Variants in GABRB1 observed in about 807,000 individuals in gnomAD.
The protein encoded by GABRB1 is gamma-aminobutyric acid receptor subunit beta-1.
A neutral mutation model predicts 51.6 loss-of-function variants in GABRB1; 17 were observed. The observed-to-expected ratio is 0.33, with a 90% CI of 0.23 to 0.49. The LOEUF is 0.49. Among genes scored for constraint, GABRB1 ranks in the 20% least tolerant of loss-of-function variants. GABRB1 has a pLI of 0.99. For missense variants in GABRB1, 410 were observed against 600.6 expected (o/e 0.68, Z 3.32); for synonymous variants, 247 against 218.9 (o/e 1.13, Z -1.14).
At chr4:47,027,193 T>C (rs1410328585), upstream of GABRB1, among the ~76,000 whole-genome samples, 1 of 151,758 alleles carries the variant, frequency 6.6e-6, no homozygotes, top group Admixed American at 6.6e-5. Context: ...ATCATATTTA[T>C]TTGGCTAGAA....
At chr4:47,071,888 A>T (rs1321273577) in intron 3 of GABRB1, among the ~76,000 whole-genome samples, 1 of 152,096 alleles carries the variant, frequency 6.6e-6, no homozygotes, top group Admixed American at 6.6e-5. Flanking sequence ...CATAGAAAGC[A>T]TGTTCTATTT....
chr4:47,026,889 A>T (rs1725112148), upstream of GABRB1, among the ~76,000 whole-genome samples: 1 of 151,996 alleles, frequency 6.6e-6, no homozygotes, highest in Non-Finnish European at 1.5e-5. Context: ...AAGAATGTAA[A>T]CTGTCATTAG....
chr4:47,024,807 T>C (rs998700059), intron 1 of GABRB1, among the ~76,000 whole-genome samples: 3 of 151,428 alleles, frequency 2.0e-5, no homozygotes, highest in Admixed American at 6.6e-5. Context: ...CACTTATGAG[T>C]GAAAACATAT....
Position 47,261,466 on chromosome 4 carries a change from C to T in GABRB1, c.462-58661C>T, listed in dbSNP as rs1336489294. ...AATTGCTTCAAAGAGAATAAAATAC[C>T]TAGGAATCCAACTTACAAGGGACAG... On this transcript the variant is annotated intron_variant, in intron 4 of 8. Transcript: ENST00000295454. Among the ~76,000 whole-genome samples the T allele has an allele frequency of 4.6e-5, 7 of 152,072 alleles. No individual in the cohort carries two copies. In the East Asian group the frequency reaches 1.3e-3, roughly 29 times the overall value.
At chr4:47,251,960 G>A (rs74686162) in intron 4 of GABRB1, among the ~76,000 whole-genome samples, 126 of 152,268 alleles carry the variant, frequency 8.3e-4, no homozygotes, top group African/African-American at 3.0e-3. Flanking sequence ...CCCTGCCTGT[G>A]GAGTCTGCAT....
chr4:47,149,419 C>A (rs1717327884), intron 3 of GABRB1, among the ~76,000 whole-genome samples: 1 of 151,862 alleles, frequency 6.6e-6, no homozygotes, highest in Non-Finnish European at 1.5e-5. Context: ...ATATAGTGTT[C>A]CTGCTGATCA....
intron 3 of GABRB1, among the ~76,000 whole-genome samples, chr4:47,054,333 G>A (rs1474601297): frequency 1.3e-5 from 2 of 152,080 alleles, no homozygotes; most frequent in Non-Finnish European, 1.5e-5. Context: ...TCTGAAGGTC[G>A]GCTTCTGTTT....
intron 4 of GABRB1, among the ~76,000 whole-genome samples, chr4:47,299,186 C>T (rs986338619): frequency 1.6e-4 from 25 of 152,274 alleles, no homozygotes; most frequent in Admixed American, 2.6e-4. Context: ...TGGGCAAGGA[C>T]TTCATGTCTA....
chr4:47,124,297 C>G (rs533001211), intron 3 of GABRB1, among the ~76,000 whole-genome samples: 1 of 152,026 alleles, frequency 6.6e-6, no homozygotes, highest in Non-Finnish European at 1.5e-5. Flanking sequence ...GCAACAACTG[C>G]GTGACCTGAT....
At chr4:47,292,544 C>T (rs996269968) in intron 4 of GABRB1, among the ~76,000 whole-genome samples, 15 of 152,302 alleles carry the variant, frequency 9.8e-5, no homozygotes, top group Admixed American at 7.2e-4. Context: ...GAGTTTTAAA[C>T]AGTACATCCC....
At chr4:47,083,102 A>G (rs774217908) in intron 3 of GABRB1, among the ~76,000 whole-genome samples, 23 of 152,156 alleles carry the variant, frequency 1.5e-4, no homozygotes, top group Non-Finnish European at 3.1e-4. Flanking sequence ...AGGATAGATT[A>G]CTGTACTCTA....
At chr4:47,223,135 GT>G (rs1333115166) in intron 4 of GABRB1, among the ~76,000 whole-genome samples, 2 of 152,030 alleles carry the variant, frequency 1.3e-5, no homozygotes, top group Admixed American at 6.6e-5. Flanking sequence ...TATCTTGAAT[GT>G]TTTTTCTTCT....
intron 5 of GABRB1, among the ~76,000 whole-genome samples, chr4:47,356,432 GA>G (rs1213282813): frequency 6.6e-6 from 1 of 152,152 alleles, no homozygotes; most frequent in Non-Finnish European, 1.5e-5. Flanking sequence ...AACACTTCCA[GA>G]GAGCAAATTT....
chr4:47,244,842 G>A (rs1721679206), intron 4 of GABRB1, among the ~76,000 whole-genome samples: 1 of 152,184 alleles, frequency 6.6e-6, no homozygotes, highest in African/African-American at 2.4e-5. Flanking sequence ...CACATTTAAA[G>A]CAGTGTGTAC....
chr4:47,220,124 A>G (rs1223489477), intron 4 of GABRB1, among the ~76,000 whole-genome samples: 1 of 151,966 alleles, frequency 6.6e-6, no homozygotes, highest in African/African-American at 2.4e-5. Context: ...AGAAACTTCA[A>G]CTGGTTACCT....
At chr4:47,317,740 G>A (rs937627653) in intron 4 of GABRB1, among the ~76,000 whole-genome samples, 33 of 151,746 alleles carry the variant, frequency 2.2e-4, no homozygotes, top group African/African-American at 7.3e-4. Flanking sequence ...ATTGGAAAGA[G>A]GTAGGGTTTT....
chr4:47,251,507 G>T (rs1453407247), intron 4 of GABRB1, among the ~76,000 whole-genome samples: 1 of 152,128 alleles, frequency 6.6e-6, no homozygotes, highest in Non-Finnish European at 1.5e-5. Context: ...CCCTAGAACT[G>T]CCAAGATTAT....
chr4:47,221,373 A>T (rs1239070152), intron 4 of GABRB1, among the ~76,000 whole-genome samples: 1 of 151,972 alleles, frequency 6.6e-6, no homozygotes, highest in Non-Finnish European at 1.5e-5. Flanking sequence ...AAGCACCTAC[A>T]AGTGACATTG....
intron 4 of GABRB1, among the ~76,000 whole-genome samples, 180 bp from the exon 5 acceptor site, chr4:47,319,947 T>C (rs1256017108): frequency 6.6e-6 from 1 of 152,232 alleles, no homozygotes; most frequent in Non-Finnish European, 1.5e-5. Context: ...CATTTCCACC[T>C]GTCCATCTAG....
Sources: gnomAD v4.1 joint callset for allele counts (sites outside exome capture counted in the v4.1 genomes callset) on GRCh38, gnomAD v4.1.1 for gene constraint, MANE v1.5 for transcripts, NCBI Gene and HGNC (gene_info 2026-07-23, HGNC 2026-07-21) for gene names.